The following ITGA1 variants were observed in gnomAD, a reference collection of about 807,000 sequenced individuals.
The protein encoded by ITGA1 is integrin subunit alpha 1, also known as integrin alpha-1.
Under a neutral mutation model 145.9 loss-of-function variants are expected in ITGA1, and 85 were observed. The ratio of observed to expected loss-of-function variants is 0.58; its 90% CI spans 0.49 to 0.70. ITGA1 has a LOEUF of 0.70. Among genes scored for constraint, ITGA1 ranks in the 30% least tolerant of loss-of-function variants. The pLI is 0.00. For synonymous variants in ITGA1, 520 were observed against 495.3 expected (o/e 1.05, Z -0.66); for missense variants, 1,351 against 1,418.7 (o/e 0.95, Z 0.77).
rs1748623003 is a variant in ITGA1, at chr5:52,808,049, G to C, written c.61+19635G>C. Among the ~76,000 whole-genome samples the C allele has an allele frequency of 4.6e-5, 7 of 152,258 alleles. No homozygotes were observed. In the South Asian group the frequency reaches 1.4e-3, roughly 32 times the overall value. On this transcript the variant is annotated intron_variant, in intron 1 of 28. Coordinates refer to ENST00000282588, the MANE Select transcript of ITGA1 (RefSeq NM_181501.2). ...CAGCAGTTAAAAGTGACAGCTGATA[G>C]TGGGAGTGGATTCTGAAACACTGTC...
intron 8 of ITGA1, among the ~76,000 whole-genome samples, chr5:52,889,163 C>T (rs548569432): frequency 1.5e-4 from 23 of 150,426 alleles, no homozygotes; most frequent in African/African-American, 4.2e-4. Flanking sequence ...TGAAGTGGCA[C>T]GATCTCGGCT....
chr5:52,904,992 A>T (rs1022547528), intron 11 of ITGA1: 2 of 152,188 alleles, frequency 1.3e-5, no homozygotes, highest in Non-Finnish European at 2.9e-5. Context: ...CACAAATTTA[A>T]ATAATAGTGA....
chr5:52,949,137 T>C lies in ITGA1; in HGVS notation c.3495+1676T>C, dbSNP rs116142370. ...CGGTAGAAATAGTTCAGCCACTTCA[T>C]TGGGAGGCCCAGCAATCAGAACTGT... On this transcript the variant is annotated intron_variant, in intron 28 of 28. Transcript: ENST00000282588. Among the ~76,000 whole-genome samples, 1,115 of 152,198 alleles carry C rather than the reference T, an allele frequency of 7.3e-3. 9 individuals carry two copies. The highest frequency in any genetic ancestry group is 0.025 in the African/African-American group (1,030 of 41,544).
intron 8 of ITGA1, among the ~76,000 whole-genome samples, chr5:52,888,754 C>A (rs1010559071): frequency 6.6e-6 from 1 of 152,186 alleles, no homozygotes; most frequent in Non-Finnish European, 1.5e-5. Context: ...GACATTAGTG[C>A]ATTACTCCTG....
chr5:52,827,728 C>A (rs566544324), intron 1 of ITGA1, among the ~76,000 whole-genome samples: 5 of 152,302 alleles, frequency 3.3e-5, no homozygotes, highest in African/African-American at 1.2e-4. Context: ...TTGAGGCAAA[C>A]CCTCCACCTG....
chr5:52,822,415 T>C (rs960530068), intron 1 of ITGA1, among the ~76,000 whole-genome samples: 2 of 152,242 alleles, frequency 1.3e-5, no homozygotes, highest in Non-Finnish European at 2.9e-5. Context: ...GTTGCCTCTC[T>C]TCTTCCTCCC....
chr5:52,902,913 C>T (rs958339219), intron 11 of ITGA1: 1 of 152,044 alleles, frequency 6.6e-6, no homozygotes. Context: ...TCAGGAAACA[C>T]TATTAAGCTT....
At chr5:52,874,162 G>A (rs894743736) in intron 6 of ITGA1, among the ~76,000 whole-genome samples, 11 of 152,072 alleles carry the variant, frequency 7.2e-5, no homozygotes, top group South Asian at 2.1e-4. Context: ...AGGGCCTTGC[G>A]CTTGGGTCAT....
At chr5:52,842,182 G>A (rs1032069272) in intron 1 of ITGA1, among the ~76,000 whole-genome samples, 6 of 152,128 alleles carry the variant, frequency 3.9e-5, no homozygotes, top group Admixed American at 3.9e-4. Context: ...ATCCTAGGTG[G>A]TATCACAGAT....
In ITGA1 at chr5:52,920,457, T is replaced by C. The variant is rs761665524; in HGVS notation, c.2281T>C (p.Phe761Leu). The change falls in exon 17 of 29, where the codon TTC (phenylalanine) becomes CTC (leucine). Residue 761 changes from phenylalanine to leucine, a missense_variant. By Grantham distance (22) the Phe-to-Leu change is conservative. Transcript: ENST00000282588. The stretch of plus-strand genomic sequence containing the variant: ...AAAATCAGAATGCACTAAGCACTCC[T>C]TCTACATGTTGGCAAGTAAATCATA... The part of the protein sequence containing the change: ...VRKSECTKHS[F>L]YMLDKHDFQD... The C allele has an allele frequency of 6.3e-7, 1 of 1,597,556 alleles. No individual in the cohort carries two copies. Among genetic ancestry groups the C allele is most frequent in the South Asian group, 1.1e-5 (1 of 87,642 alleles).
chr5:52,929,295 G>C (rs1750861869), intron 20 of ITGA1, among the ~76,000 whole-genome samples: 2 of 152,102 alleles, frequency 1.3e-5, no homozygotes, highest in Non-Finnish European at 2.9e-5. Context: ...CCACTCATGA[G>C]GGCTCTGCCC....
chr5:52,807,023 CCTTT>C (rs1748598597), intron 1 of ITGA1, among the ~76,000 whole-genome samples: 2 of 152,088 alleles, frequency 1.3e-5, no homozygotes, highest in Non-Finnish European at 2.9e-5. Context: ...TTTTAAATTT[CCTTT>C]CTTTATTTCC....
chr5:52,887,005 T>C (rs143216182), intron 7 of ITGA1, among the ~76,000 whole-genome samples: 4,034 of 152,212 alleles, frequency 0.027, 200 homozygotes, highest in African/African-American at 0.093. Context: ...TCTCGATCTC[T>C]TGACCTCGTG....
intron 12 of ITGA1, 85 bp from the exon 13 acceptor site, chr5:52,908,813 G>T: frequency 1.4e-6 from 2 of 1,447,268 alleles, no homozygotes; most frequent in Non-Finnish European, 1.9e-6. Flanking sequence ...CTTCTAGATT[G>T]CTAGAAGTAA....
rs1483369287 is a variant in ITGA1 at position 52,873,434 on chromosome 5, C to T, written c.624+7617C>T. The stretch of plus-strand genomic sequence containing the variant: ...TGAAGCAAGAGTCCAGATAAAGATA[C>T]CCTTTTTCTAGAACCTGTATCTATT... On this transcript the variant is annotated intron_variant, in intron 6 of 28. Coordinates refer to ENST00000282588, the MANE Select transcript of ITGA1 (RefSeq NM_181501.2). Among the ~76,000 whole-genome samples, 3 of 152,194 alleles carry T rather than the reference C, an allele frequency of 2.0e-5. No homozygotes were observed. The South Asian group carries it at 6.2e-4, about 32-fold the overall frequency.
intron 26 of ITGA1, among the ~76,000 whole-genome samples, chr5:52,940,668 A>T (rs1461747061): frequency 2.6e-5 from 4 of 152,006 alleles, no homozygotes; most frequent in African/African-American, 9.7e-5. Flanking sequence ...AAAACTTTTT[A>T]TTGTATTTTG....
chr5:52,800,360 T>G, intron 1 of ITGA1: 1 of 1,612,204 alleles, frequency 6.2e-7, no homozygotes, highest in Non-Finnish European at 8.5e-7. Flanking sequence ...CCTCCTTGGT[T>G]CCTTTGGTTC....
rs747961495 is a variant in ITGA1, at chr5:52,887,871, TTATTG to T, written c.832_836del (p.Ile278AspfsTer7). ...CGAAGAGGAGTTAAAAAAGTCATGG[TTATTG>T]TGACAGATGGAGAGTCTCATGACAA... On this transcript the variant is annotated frameshift_variant, in exon 8 of 29. Coordinates refer to ENST00000282588, the MANE Select transcript of ITGA1 (RefSeq NM_181501.2). LOFTEE classifies it high-confidence loss of function. The T allele has an allele frequency of 6.2e-7, 1 of 1,614,112 alleles. No homozygotes were observed. The highest frequency in any genetic ancestry group is 1.7e-5 in the Admixed American group (1 of 60,026).
intron 16 of ITGA1, among the ~76,000 whole-genome samples, chr5:52,919,177 G>A (rs142898077): frequency 9.2e-5 from 14 of 152,192 alleles, no homozygotes; most frequent in African/African-American, 3.1e-4. Flanking sequence ...ACAATGAGAC[G>A]CTTAAGAAAA....
Sources: gnomAD v4.1 joint callset for allele counts (sites outside exome capture counted in the v4.1 genomes callset) on GRCh38, gnomAD v4.1.1 for gene constraint, MANE v1.5 for transcripts, NCBI Gene and HGNC (gene_info 2026-07-23, HGNC 2026-07-21) for gene names.